The following SSBP2 variants were observed in gnomAD, a reference collection of about 807,000 sequenced individuals.
SSBP2 encodes single stranded DNA binding protein 2, also known as single-stranded DNA-binding protein 2.
A neutral mutation model predicts 61.8 loss-of-function variants in SSBP2; 17 were observed. The ratio of observed to expected loss-of-function variants is 0.28; its 90% CI spans 0.19 to 0.41. SSBP2 has a LOEUF of 0.41. Ranked by LOEUF, SSBP2 falls within the 10% of genes least tolerant of loss-of-function variation. The pLI is 1.00. For missense variants in SSBP2, 310 were observed against 458.7 expected, an observed-to-expected ratio of 0.68 and a Z score of 2.96; for synonymous variants, 139 against 141.3, an observed-to-expected ratio of 0.98 and a Z score of 0.12.
At chr5:81,689,713 T>C (rs1753066977) in intron 1 of SSBP2, among the ~76,000 whole-genome samples, 1 of 152,130 alleles carries the variant, frequency 6.6e-6, no homozygotes, top group Non-Finnish European at 1.5e-5. Context: ...GGGAGTTATT[T>C]AATATGAAAG....
chr5:81,642,855 T>C (rs1405303842), intron 2 of SSBP2, among the ~76,000 whole-genome samples: 1 of 152,120 alleles, frequency 6.6e-6, no homozygotes, highest in Non-Finnish European at 1.5e-5. Context: ...AAGCTAACAT[T>C]TGTACAAAAA....
intron 2 of SSBP2, among the ~76,000 whole-genome samples, chr5:81,646,095 T>C (rs1184206409): frequency 1.3e-5 from 2 of 152,200 alleles, no homozygotes; most frequent in African/African-American, 4.8e-5. Flanking sequence ...CACATCTTGC[T>C]TGTTCAGATA....
intron 13 of SSBP2, 106 bp downstream of exon 13, chr5:81,442,547 C>A: frequency 3.1e-6 from 2 of 640,714 alleles, no homozygotes; most frequent in South Asian, 2.1e-5. Flanking sequence ...CTAATAAGCT[C>A]CTGGATAATA....
chr5:81,748,946 T>C, intron 1 of SSBP2, among the ~76,000 whole-genome samples: 1 of 152,054 alleles, frequency 6.6e-6, no homozygotes, highest in East Asian at 1.9e-4. Context: ...GGGATTCAAC[T>C]AAAGTTCACC....
rs866116971 is a variant in SSBP2, at chr5:81,559,549, A to T, written c.283-45832T>A. On this transcript the variant is annotated intron_variant, in intron 4 of 16. Transcript: ENST00000320672. ...TGAGATTCCATCACAAAAAAGGAAAAAAAATTATTTATAATATTATAAGAA... is the reference window on the plus strand; with the variant it reads ...TGAGATTCCATCACAAAAAAGGAAATAAAATTATTTATAATATTATAAGAA... 3.3e-5 allele frequency among the ~76,000 whole-genome samples: 5 copies of T among 152,066 alleles called. No homozygotes were observed. The South Asian group carries it at 8.3e-4, about 25-fold the overall frequency.
chr5:81,440,115 A>G (rs1213895181), intron 14 of SSBP2, among the ~76,000 whole-genome samples: 1 of 152,164 alleles, frequency 6.6e-6, no homozygotes, highest in Non-Finnish European at 1.5e-5. Flanking sequence ...AAACATAAAA[A>G]TCCAAAAACA....
At chr5:81,630,751 G>C (rs1333960254) in intron 3 of SSBP2, among the ~76,000 whole-genome samples, 1 of 147,060 alleles carries the variant, frequency 6.8e-6, no homozygotes, top group Non-Finnish European at 1.5e-5. Flanking sequence ...CCGTCTGACA[G>C]CTAAGGTTAA....
At chr5:81,544,176 A>C (rs930723823) in intron 4 of SSBP2, among the ~76,000 whole-genome samples, 24 of 152,022 alleles carry the variant, frequency 1.6e-4, no homozygotes, top group African/African-American at 5.1e-4. Context: ...CAGCCTCCTG[A>C]GTAGCTGGGA....
At chr5:81,685,013 C>T (rs945259959) in intron 1 of SSBP2, among the ~76,000 whole-genome samples, 5 of 152,052 alleles carry the variant, frequency 3.3e-5, no homozygotes, top group Non-Finnish European at 7.4e-5. Context: ...GGATTTCCCC[C>T]TTGTTCTTCT....
chr5:81,481,933 G>T (rs1482734555), intron 6 of SSBP2, among the ~76,000 whole-genome samples: 1 of 151,936 alleles, frequency 6.6e-6, no homozygotes, highest in Admixed American at 6.6e-5. Context: ...GACAGGCAGA[G>T]TAGATTTAGT....
chr5:81,596,943 T>A (rs1249213027), intron 4 of SSBP2, among the ~76,000 whole-genome samples: 1 of 150,282 alleles, frequency 6.7e-6, no homozygotes, highest in East Asian at 2.0e-4. Context: ...GGACTTCATG[T>A]CTAAAACACC....
chr5:81,729,565 T>C (rs1039365176), intron 1 of SSBP2, among the ~76,000 whole-genome samples: 2 of 152,154 alleles, frequency 1.3e-5, no homozygotes, highest in East Asian at 3.8e-4. Flanking sequence ...GATAATACCA[T>C]GCCATGAACT....
At chr5:81,434,633 CAAAAAAAAAA>C (rs34269591) in intron 15 of SSBP2, among the ~76,000 whole-genome samples, 1 of 43,014 alleles carries the variant, frequency 2.3e-5, no homozygotes, top group Non-Finnish European at 4.1e-5. Flanking sequence ...ACTCTTGACT[CAAAAAAAAAA>C]AAAAAAAAAA....
chr5:81,476,871 C>G (rs923669239), intron 6 of SSBP2, among the ~76,000 whole-genome samples: 1 of 152,002 alleles, frequency 6.6e-6, no homozygotes, highest in African/African-American at 2.4e-5. Flanking sequence ...CTTATTTATT[C>G]ACCTATTTAC....
At chr5:81,710,757 C>A in intron 1 of SSBP2, 1 of 440,844 alleles carries the variant, frequency 2.3e-6, no homozygotes, top group Non-Finnish European at 4.5e-6. Context: ...TGGAATAAGG[C>A]ACAGATGAAT....
intron 1 of SSBP2, among the ~76,000 whole-genome samples, chr5:81,727,462 T>C (rs1421707747): frequency 6.6e-6 from 1 of 151,966 alleles, no homozygotes; most frequent in Non-Finnish European, 1.5e-5. Context: ...GGCAGGAGAA[T>C]CACTTGAACC....
intron 1 of SSBP2, among the ~76,000 whole-genome samples, chr5:81,666,683 T>G (rs957455047): frequency 5.3e-5 from 8 of 152,226 alleles, no homozygotes; most frequent in Admixed American, 5.2e-4. Flanking sequence ...CTTAGCAGTA[T>G]ACATTGGTAT....
intron 1 of SSBP2, among the ~76,000 whole-genome samples, chr5:81,713,003 C>T (rs1323239828): frequency 1.3e-5 from 2 of 152,020 alleles, no homozygotes; most frequent in Non-Finnish European, 2.9e-5. Context: ...ACTGGGATTA[C>T]AGGGGTGAGC....
chr5:81,716,653 T>C (rs1755189618), intron 1 of SSBP2, among the ~76,000 whole-genome samples: 1 of 152,208 alleles, frequency 6.6e-6, no homozygotes, highest in Non-Finnish European at 1.5e-5. Flanking sequence ...CCTTAAGTAT[T>C]CTTTTAAAAC....
Sources: gnomAD v4.1 joint callset for allele counts (sites outside exome capture counted in the v4.1 genomes callset) on GRCh38, gnomAD v4.1.1 for gene constraint, MANE v1.5 for transcripts, NCBI Gene and HGNC (gene_info 2026-07-23, HGNC 2026-07-21) for gene names.